Variants in UNC5D observed in about 807,000 individuals in gnomAD.
UNC5D encodes unc-5 netrin receptor D.
UNC5D carries 39 observed loss-of-function variants against 105.4 expected under a neutral mutation model. That is an observed-to-expected ratio of 0.37 (90% CI 0.29 to 0.48). UNC5D has a LOEUF of 0.48. Ranked by LOEUF, UNC5D falls within the 20% of genes least tolerant of loss-of-function variation. The pLI, the probability that UNC5D is intolerant of heterozygous loss-of-function variation, is 0.98. For missense variants in UNC5D, 991 were observed against 1,202.4 expected (o/e 0.82, Z 2.60); for synonymous variants, 452 against 450.4 (o/e 1.00, Z -0.04).
chr8:35,312,362 A>G (rs565295247), intron 1 of UNC5D, among the ~76,000 whole-genome samples: 5 of 152,198 alleles, frequency 3.3e-5, no homozygotes, highest in Middle Eastern at 3.2e-3. Context: ...ATTTAAATAT[A>G]TGTCCAGGAT....
intron 1 of UNC5D, among the ~76,000 whole-genome samples, chr8:35,400,257 T>C (rs7829022): frequency 0.52 from 78,248 of 151,800 alleles, 20,679 homozygotes; most frequent in East Asian, 0.71. Flanking sequence ...TGCTGATATA[T>C]TGGGAAAATT....
At position 35,253,384 on chromosome 8, in the gene UNC5D, T is replaced by C. The variant is rs148447573; in HGVS notation, c.103+17497T>C. On this transcript the variant is annotated intron_variant, in intron 1 of 16. Transcript: ENST00000404895. ...TTCCATACTTTCTTCTAAAGTCTTA[T>C]ATTTTGGCCTTTCATATTTATTCCT... Among the ~76,000 whole-genome samples, 465 of 152,082 alleles carry C rather than the reference T, an allele frequency of 3.1e-3. 2 individuals carry two copies. The highest frequency in any genetic ancestry group is 0.011 in the African/African-American group (446 of 41,524).
At chr8:35,539,700 T>A (rs1815131905) in intron 1 of UNC5D, among the ~76,000 whole-genome samples, 1 of 152,180 alleles carries the variant, frequency 6.6e-6, no homozygotes, top group African/African-American at 2.4e-5. Context: ...ATACAAAAAA[T>A]TCCGTCGAAT....
At chr8:35,642,968 G>A (rs1281563933) in intron 4 of UNC5D, among the ~76,000 whole-genome samples, 1 of 152,128 alleles carries the variant, frequency 6.6e-6, no homozygotes, top group Non-Finnish European at 1.5e-5. Context: ...TGCCCACGGA[G>A]CAGGCTTAGA....
chr8:35,605,066 G>A (rs1281224173), intron 4 of UNC5D, among the ~76,000 whole-genome samples: 1 of 152,202 alleles, frequency 6.6e-6, no homozygotes, highest in South Asian at 2.1e-4. Context: ...TCTCCGTCCA[G>A]CTTTGTTCCG....
chr8:35,759,920 G>A (rs187131388), intron 14 of UNC5D, among the ~76,000 whole-genome samples: 1 of 152,168 alleles, frequency 6.6e-6, no homozygotes, highest in African/African-American at 2.4e-5. Context: ...CTAGCCAGGT[G>A]GAAACAAGAG....
At chr8:35,294,029 C>T (rs1384237383) in intron 1 of UNC5D, among the ~76,000 whole-genome samples, 1 of 152,156 alleles carries the variant, frequency 6.6e-6, no homozygotes, top group African/African-American at 2.4e-5. Context: ...AGGGTACTTC[C>T]TGACTTCGGG....
At chr8:35,602,527 G>A (rs1047230300) in intron 4 of UNC5D, among the ~76,000 whole-genome samples, 1 of 152,106 alleles carries the variant, frequency 6.6e-6, no homozygotes, top group African/African-American at 2.4e-5. Flanking sequence ...TTTAGCCTTG[G>A]GAGAGCGTAT....
At chr8:35,333,440 AAG>A (rs1810782484) in intron 1 of UNC5D, among the ~76,000 whole-genome samples, 10 of 152,174 alleles carry the variant, frequency 6.6e-5, no homozygotes, top group Non-Finnish European at 1.2e-4. Flanking sequence ...CTTTTCCTTA[AAG>A]TGACCCCTTC....
At chr8:35,401,226 G>A (rs1366388600) in intron 1 of UNC5D, among the ~76,000 whole-genome samples, 5 of 152,118 alleles carry the variant, frequency 3.3e-5, no homozygotes, top group Admixed American at 3.3e-4. Context: ...GTTCACACCT[G>A]TAATCCCACC....
At chr8:35,391,860 T>C (rs1240339184) in intron 1 of UNC5D, among the ~76,000 whole-genome samples, 1 of 152,180 alleles carries the variant, frequency 6.6e-6, no homozygotes, top group African/African-American at 2.4e-5. Context: ...AAGCCATTAA[T>C]CTTGCTGATA....
intron 4 of UNC5D, among the ~76,000 whole-genome samples, chr8:35,641,325 G>A (rs1822697958): frequency 1.6e-5 from 2 of 127,274 alleles, no homozygotes; most frequent in South Asian, 5.6e-4. Flanking sequence ...GATTGTGGCT[G>A]TATGATGTAT....
intron 4 of UNC5D, among the ~76,000 whole-genome samples, chr8:35,615,844 T>A (rs946901005): frequency 6.6e-6 from 1 of 152,158 alleles, no homozygotes; most frequent in Non-Finnish European, 1.5e-5. Flanking sequence ...ACTCAGAGGA[T>A]GAATATTTGC....
chr8:35,448,616 C>A (rs959720473), intron 1 of UNC5D, among the ~76,000 whole-genome samples: 1 of 151,982 alleles, frequency 6.6e-6, no homozygotes, highest in African/African-American at 2.4e-5. Flanking sequence ...CCTCATATTT[C>A]TTTTTATTTG....
intron 3 of UNC5D, among the ~76,000 whole-genome samples, chr8:35,576,631 G>C (rs1476380414): frequency 6.6e-6 from 1 of 150,708 alleles, no homozygotes; most frequent in Non-Finnish European, 1.5e-5. Flanking sequence ...TGTTTGTTTT[G>C]AGACAGAGTC....
intron 7 of UNC5D, among the ~76,000 whole-genome samples, chr8:35,702,091 A>G (rs1414714556): frequency 6.6e-6 from 1 of 152,116 alleles, no homozygotes; most frequent in African/African-American, 2.4e-5. Flanking sequence ...ATAATTTATC[A>G]TCAATTTCCA....
At chr8:35,488,535 C>G (rs1392832289) in intron 1 of UNC5D, among the ~76,000 whole-genome samples, 1 of 152,140 alleles carries the variant, frequency 6.6e-6, no homozygotes, top group African/African-American at 2.4e-5. Flanking sequence ...GGGCTGCTTT[C>G]CAGTGTTGCA....
At chr8:35,607,498 C>T (rs759989162) in intron 4 of UNC5D, among the ~76,000 whole-genome samples, 24 of 152,132 alleles carry the variant, frequency 1.6e-4, no homozygotes, top group Non-Finnish European at 3.2e-4. Flanking sequence ...GGCTTGTATA[C>T]TGATATGATT....
intron 1 of UNC5D, among the ~76,000 whole-genome samples, chr8:35,311,233 G>A (rs1407470265): frequency 6.6e-6 from 1 of 152,140 alleles, no homozygotes; most frequent in African/African-American, 2.4e-5. Flanking sequence ...GCAGGGAAAT[G>A]GTGGGTTAAG....
Sources: allele counts gnomAD v4.1 joint callset (sites outside exome capture counted in the v4.1 genomes callset), GRCh38; gene constraint gnomAD v4.1.1; transcripts MANE v1.5; gene names NCBI Gene and HGNC (gene_info 2026-07-23, HGNC 2026-07-21).